ARSL: variants seen among roughly 807,000 people sequenced by gnomAD.
ARSL encodes arylsulfatase E (chondrodysplasia punctata 1).
ARSL carries 4 observed loss-of-function variants against 31.1 expected under a neutral mutation model. That is an observed-to-expected ratio of 0.13 (90% confidence interval 0.06 to 0.29). The LOEUF is 0.29. Among genes scored for constraint, ARSL ranks in the 10% least tolerant of loss-of-function variants. The probability of loss-of-function intolerance (pLI) is 1.00; values close to 1 mark genes in which losing one functional copy is unlikely to be tolerated. For synonymous variants in ARSL, 198 were observed against 209.9 expected (o/e 0.94, Z 0.49); for missense variants, 312 against 497.8 (o/e 0.63, Z 3.55).
chrX:2,938,369 A>G, intron 8 of ARSL, 112 bp from the exon 9 acceptor site: 1 of 1,003,843 alleles, frequency 1.0e-6, no homozygotes, highest in Non-Finnish European at 1.3e-6. Flanking sequence ...TCTCTCCCTG[A>G]GTCTCTCAAT....
chrX:2,937,852 T>G (rs967832525), intron 9 of ARSL, among the ~76,000 whole-genome samples: 1 of 111,748 alleles, frequency 8.9e-6, no homozygotes, highest in Non-Finnish European at 1.9e-5. Flanking sequence ...TTTGTAATTT[T>G]GAGTTGGTCT....
rs122460151 is a variant in ARSL, at chrX:2,958,423, C to G, written c.36G>C (p.Arg12Ser). 8.3e-5 allele frequency: 100 copies of G among 1,210,446 alleles called. 1 individual carries two copies. Among genetic ancestry groups the G allele is most frequent in the Non-Finnish European group, 1.0e-4 (94 of 895,396 alleles). The change falls in exon 3 of 11, where the codon AGG (arginine) becomes AGC (serine). Residue 12 changes from arginine (R) to serine (S), a missense_variant. Physicochemically the swap from Arg to Ser is moderately radical, Grantham distance 110. Coordinates refer to ENST00000381134, the MANE Select transcript of ARSL (RefSeq NM_000047.3). ...CAGCGAGCATCGCTGGCAGCCAGCT[C>G]CTGAAACACAAACTGTCAGAGACTG... Reference protein sequence around the residue: ...LHLHHSCLCFRSWLPAMLAVL... With the variant: ...LHLHHSCLCFSSWLPAMLAVL...
intron 10 of ARSL, among the ~76,000 whole-genome samples, chrX:2,936,387 C>T (rs1162964647): frequency 9.0e-5 from 10 of 110,888 alleles, no homozygotes; most frequent in African/African-American, 3.0e-4. Flanking sequence ...TGTGTGCGTG[C>T]GTGTGTGTAT....
chrX:2,936,698 G>T (rs1162833558), intron 10 of ARSL, 44 bp downstream of exon 10: 2 of 1,205,932 alleles, frequency 1.7e-6, no homozygotes, highest in South Asian at 3.6e-5. Flanking sequence ...CTGCACAGAG[G>T]GACTCTTTCC....
At chrX:2,963,135 G>A (rs762474152) in intron 1 of ARSL, among the ~76,000 whole-genome samples, 215 of 112,172 alleles carry the variant, frequency 1.9e-3, no homozygotes, top group African/African-American at 6.9e-3. Context: ...GGTGTACGCC[G>A]TGCTCGTGAG....
At chrX:2,937,352 C>T (rs1297509156) in intron 9 of ARSL, among the ~76,000 whole-genome samples, 3 of 107,006 alleles carry the variant, frequency 2.8e-5, no homozygotes, top group African/African-American at 1.0e-4. Context: ...CTAGATCGCA[C>T]CACTGCACTC....
chrX:2,936,984 GA>G (rs751823906), intron 9 of ARSL, 121 bp from the exon 10 acceptor site: 2 of 993,381 alleles, frequency 2.0e-6, no homozygotes, highest in Non-Finnish European at 2.8e-6. Flanking sequence ...TCAGTGGAGG[GA>G]AAGTCTGGGT....
upstream of ARSL, among the ~76,000 whole-genome samples, chrX:2,967,930 C>CT (rs1271973460): frequency 1.2e-4 from 13 of 110,749 alleles, no homozygotes; most frequent in East Asian, 5.7e-4. Flanking sequence ...TCCCTCGTTG[C>CT]TTTTTTTTTA....
chrX:2,954,726 G>C (rs139558565), intron 4 of ARSL, among the ~76,000 whole-genome samples: 13,583 of 111,806 alleles, frequency 0.12, 843 homozygotes, highest in Middle Eastern at 0.29. Flanking sequence ...CACAGTTTCT[G>C]ATAGTTTATT....
rs944277473 is a variant in ARSL at position 2,938,118 on chromosome X, C to T, written c.1266G>A (p.Ala422=). Reference sequence around the variant, plus strand: ...ACCTGTCCTGGGGCACCTCGCCGCCCGCCAGCCGGACCACGGTGGGGAACA... The same window carrying T: ...ACCTGTCCTGGGGCACCTCGCCGCCTGCCAGCCGGACCACGGTGGGGAACA... ...MDVFPTVVRL[A]GGEVPQDRVI... The change falls in exon 9 of 11, where the codon GCG becomes GCA. Residue 422 remains alanine, a synonymous_variant. Coordinates refer to ENST00000381134, the MANE Select transcript of ARSL (RefSeq NM_000047.3). 3.1e-5 allele frequency: 38 copies of T among 1,210,109 alleles called. No individual in the cohort carries two copies. The highest frequency in any genetic ancestry group is 4.4e-5 in the Admixed American group (2 of 45,798).
At chrX:2,946,995 G>T (rs1388205069) in intron 6 of ARSL, among the ~76,000 whole-genome samples, 1 of 110,991 alleles carries the variant, frequency 9.0e-6, no homozygotes, top group African/African-American at 3.3e-5. Flanking sequence ...ACCAGCATGG[G>T]AAACATAGCA....
chrX:2,942,133 A>C (rs539024949), intron 8 of ARSL, among the ~76,000 whole-genome samples: 1 of 111,771 alleles, frequency 8.9e-6, no homozygotes, highest in East Asian at 2.8e-4. Context: ...AAGCGTGACA[A>C]GATAACCAAG....
chrX:2,963,150 TTTTG>T (rs2089661544), intron 1 of ARSL, among the ~76,000 whole-genome samples: 1 of 112,161 alleles, frequency 8.9e-6, no homozygotes, highest in African/African-American at 3.2e-5. Flanking sequence ...CGTGAGGTTT[TTTTG>T]TTTATTTGTT....
At chrX:2,952,348 G>T (rs941172573) in intron 5 of ARSL, among the ~76,000 whole-genome samples, 3 of 109,205 alleles carry the variant, frequency 2.7e-5, no homozygotes, top group South Asian at 3.9e-4. Flanking sequence ...TTTCTTTTTC[G>T]TAGAGACAGG....
Position 2,942,975 on chromosome X carries a change from A to G in ARSL, c.1126+90T>C, listed in dbSNP as rs534920134. Reference sequence around the variant, plus strand: ...AAAATCACTGTCCCTGAGCAATAATATTGACCCTCCTGGAATAGATTGCCC... The same window carrying G: ...AAAATCACTGTCCCTGAGCAATAATGTTGACCCTCCTGGAATAGATTGCCC... On this transcript the variant is annotated intron_variant, in intron 8 of 10. Coordinates refer to ENST00000381134, the MANE Select transcript of ARSL (RefSeq NM_000047.3). The G allele has an allele frequency of 4.9e-5, 55 of 1,133,245 alleles. No individual in the cohort carries two copies. The East Asian group carries it at 6.9e-4, about 14-fold the overall frequency. 93.4% of individuals were successfully genotyped at this position (1,133,245 alleles called of 1,213,427 possible).
upstream of ARSL, among the ~76,000 whole-genome samples, chrX:2,967,480 T>A (rs1039337769): frequency 3.2e-4 from 36 of 111,333 alleles, no homozygotes; most frequent in Non-Finnish European, 1.9e-5. Flanking sequence ...ACACTTGTAA[T>A]CCCAGCTGGC....
chrX:2,966,930 T>TGC (rs2089704661), upstream of ARSL, among the ~76,000 whole-genome samples: 3 of 110,943 alleles, frequency 2.7e-5, no homozygotes, highest in African/African-American at 9.8e-5. Flanking sequence ...CATGCATGTA[T>TGC]ATATACATAC....
At chrX:2,959,189 T>A (rs2089567647) in intron 2 of ARSL, among the ~76,000 whole-genome samples, 1 of 111,388 alleles carries the variant, frequency 9.0e-6, no homozygotes, top group African/African-American at 3.3e-5. Flanking sequence ...AGACACAAGC[T>A]TGGGGCAAGG....
chrX:2,960,973 C>T (rs1377392403), intron 1 of ARSL, among the ~76,000 whole-genome samples: 1 of 110,190 alleles, frequency 9.1e-6, no homozygotes, highest in African/African-American at 3.4e-5. Context: ...AATCCCAGCA[C>T]TTTGGGAGGC....
Sources: gnomAD v4.1 joint callset for allele counts (sites outside exome capture counted in the v4.1 genomes callset) on GRCh38, gnomAD v4.1.1 for gene constraint, MANE v1.5 for transcripts, NCBI Gene and HGNC (gene_info 2026-07-23, HGNC 2026-07-21) for gene names.